Variants in DMRT1 observed in about 807,000 individuals in gnomAD.
The protein encoded by DMRT1 is doublesex and mab-3 related transcription factor 1, also known as doublesex- and mab-3-related transcription factor 1.
In DMRT1, 7 loss-of-function variants were observed where a neutral mutation model predicts 32.3. The observed-to-expected ratio is 0.22, with a 90% CI of 0.12 to 0.41. The LOEUF (loss-of-function observed/expected upper bound fraction) is 0.41, where lower values mean the gene tolerates loss of function less well. Ranked by LOEUF, DMRT1 falls within the 10% of genes least tolerant of loss-of-function variation. The pLI is 1.00. For synonymous variants in DMRT1, 278 were observed against 206.1 expected (o/e 1.35, Z -2.99); for missense variants, 625 against 500.5 (o/e 1.25, Z -2.37).
At position 968,140 on chromosome 9, in the gene DMRT1, G is replaced by T; in HGVS notation, c.*1G>T. 3 of 1,602,294 alleles carry T rather than the reference G, an allele frequency of 1.9e-6. No individual in the cohort carries two copies. Among genetic ancestry groups the T allele is most frequent in the Non-Finnish European group, 2.5e-6 (3 of 1,179,044 alleles). The stretch of plus-strand genomic sequence containing the variant: ...TCCCGTCATCGAGGAGGACGAGTGA[G>T]CAGTGCCTGCTGCCGATGGCGGTTC... On this transcript the variant is annotated 3_prime_UTR_variant, in exon 5 of 5. Transcript: ENST00000382276.
intron 3 of DMRT1, among the ~76,000 whole-genome samples, chr9:905,950 T>A (rs1315093998): frequency 6.6e-6 from 1 of 152,118 alleles, no homozygotes; most frequent in African/African-American, 2.4e-5. Context: ...TGCACATTTC[T>A]TGGTTTTCCT....
At chr9:846,038 T>TG (rs1372593929) in intron 1 of DMRT1, among the ~76,000 whole-genome samples, 1 of 151,716 alleles carries the variant, frequency 6.6e-6, no homozygotes, top group East Asian at 1.9e-4. Flanking sequence ...TGCCTTTTTT[T>TG]TTTTTTTTTT....
chr9:924,764 A>G (rs1453917525), intron 4 of DMRT1, among the ~76,000 whole-genome samples: 1 of 152,228 alleles, frequency 6.6e-6, no homozygotes, highest in Non-Finnish European at 1.5e-5. Flanking sequence ...ATGTTTGCCA[A>G]GTAAAACACA....
intron 2 of DMRT1, among the ~76,000 whole-genome samples, chr9:852,926 G>T (rs1254168314): frequency 6.6e-6 from 1 of 152,222 alleles, no homozygotes. Context: ...GCACACGCCA[G>T]TTGGGAAACA....
chr9:885,603 A>G (rs1247604918), intron 2 of DMRT1, among the ~76,000 whole-genome samples: 1 of 152,130 alleles, frequency 6.6e-6, no homozygotes, highest in African/African-American at 2.4e-5. Context: ...TACTCGTCTC[A>G]ATGCCCAGCC....
rs535533689 is a variant in DMRT1 at position 903,881 on chromosome 9, A to AG, written c.822+9687dup. 3.7e-3 allele frequency among the ~76,000 whole-genome samples: 571 copies of AG among 152,282 alleles called. 5 individuals carry two copies. Among genetic ancestry groups the AG allele is most frequent in the African/African-American group, 0.013 (529 of 41,548 alleles). On this transcript the variant is annotated intron_variant, in intron 3 of 4. Transcript: ENST00000382276. ...GAAGTGGTCCAGTAGCATCCCAGGA[A>AG]GCCAGATAGAGTGAAACATTAGGTT... is the stretch of plus-strand genomic sequence containing the variant.
At chr9:925,228 T>C (rs1334444756) in intron 4 of DMRT1, among the ~76,000 whole-genome samples, 2 of 152,216 alleles carry the variant, frequency 1.3e-5, no homozygotes, top group African/African-American at 4.8e-5. Flanking sequence ...ATTTCTTAAA[T>C]GAGTAAGAAA....
At chr9:895,344 A>G (rs759527734) in intron 3 of DMRT1, among the ~76,000 whole-genome samples, 2 of 152,168 alleles carry the variant, frequency 1.3e-5, no homozygotes, top group African/African-American at 2.4e-5. Context: ...TGTAGGTGAA[A>G]AGTTAGACTC....
At chr9:926,598 A>G (rs1216573051) in intron 4 of DMRT1, among the ~76,000 whole-genome samples, 1 of 152,082 alleles carries the variant, frequency 6.6e-6, no homozygotes, top group Non-Finnish European at 1.5e-5. Flanking sequence ...ACTTTAATTT[A>G]TTCTGTAAAA....
intron 3 of DMRT1, among the ~76,000 whole-genome samples, chr9:903,410 C>T (rs911811365): frequency 1.1e-4 from 17 of 152,176 alleles, no homozygotes; most frequent in Non-Finnish European, 2.4e-4. Context: ...AAGTGATGAT[C>T]GTGACAGTCA....
At chr9:853,951 A>T (rs903248660) in intron 2 of DMRT1, among the ~76,000 whole-genome samples, 1 of 151,456 alleles carries the variant, frequency 6.6e-6, no homozygotes, top group Admixed American at 6.6e-5. Context: ...GCACGCTATC[A>T]TGCCTGGCTA....
At chr9:868,540 CTA>C (rs1482989123) in intron 2 of DMRT1, among the ~76,000 whole-genome samples, 1 of 152,204 alleles carries the variant, frequency 6.6e-6, no homozygotes, top group African/African-American at 2.4e-5. Context: ...GCAGTTCCAG[CTA>C]TGTTTCTTTG....
chr9:928,608 G>T (rs985267899), intron 4 of DMRT1, among the ~76,000 whole-genome samples: 8 of 152,098 alleles, frequency 5.3e-5, no homozygotes, highest in Non-Finnish European at 8.8e-5. Context: ...CTTTCCATTG[G>T]CTTTGACTCT....
At chr9:918,777 C>A (rs368955131) in intron 4 of DMRT1, among the ~76,000 whole-genome samples, 38 of 152,258 alleles carry the variant, frequency 2.5e-4, no homozygotes, top group African/African-American at 7.9e-4. Flanking sequence ...AAGGAGTGTA[C>A]AAATACGTAG....
intron 3 of DMRT1, among the ~76,000 whole-genome samples, chr9:896,238 A>AAGG (rs1817355215): frequency 6.6e-6 from 1 of 151,282 alleles, no homozygotes; most frequent in South Asian, 2.1e-4. Flanking sequence ...GGTTCTGTTG[A>AAGG]AGGAGTAAGA....
chr9:883,764 C>G (rs1816822710), intron 2 of DMRT1, among the ~76,000 whole-genome samples: 1 of 150,982 alleles, frequency 6.6e-6, no homozygotes, highest in South Asian at 2.1e-4. Flanking sequence ...TGCACTTCAG[C>G]CTGGGCGGAG....
chr9:844,823 C>T (rs554817406), intron 1 of DMRT1, among the ~76,000 whole-genome samples: 20 of 149,718 alleles, frequency 1.3e-4, no homozygotes, highest in Admixed American at 1.0e-3. Context: ...TGGGTTCAAG[C>T]GATTCTTCTG....
At position 842,133 on chromosome 9, in the gene DMRT1, G is replaced by A. The variant is rs1838710157; in HGVS notation, c.295G>A (p.Asp99Asn). 6.5e-7 allele frequency: 1 copy of A among 1,547,770 alleles called. No homozygotes were observed. The highest frequency in any genetic ancestry group is 2.4e-5 in the East Asian group (1 of 41,462). The change falls in exon 1 of 5, where the codon GAC (aspartate) becomes AAC (asparagine). Residue 99 changes from aspartate to asparagine, a missense_variant. Physicochemically the swap from Asp to Asn is conservative, Grantham distance 23 (BLOSUM62 1). Transcript: ENST00000382276. ...KGHKRFCMWR[D>N]CQCKKCNLIA... Reference sequence around the variant, plus strand: ...CCACAAGCGCTTCTGCATGTGGCGCGACTGCCAGTGCAAGAAGTGCAACCT... The same window carrying A: ...CCACAAGCGCTTCTGCATGTGGCGCAACTGCCAGTGCAAGAAGTGCAACCT...
At chr9:947,710 G>A (rs1183665673) in intron 4 of DMRT1, among the ~76,000 whole-genome samples, 3 of 151,998 alleles carry the variant, frequency 2.0e-5, no homozygotes, top group African/African-American at 7.3e-5. Context: ...TGCAGCCTCC[G>A]CCTCCCGACC....
Sources: allele counts gnomAD v4.1 joint callset (sites outside exome capture counted in the v4.1 genomes callset), GRCh38; gene constraint gnomAD v4.1.1; transcripts MANE v1.5; gene names NCBI Gene and HGNC (gene_info 2026-07-23, HGNC 2026-07-21).